The following RC3H1 variants were observed in gnomAD, a reference collection of about 807,000 sequenced individuals.
RC3H1 encodes the protein roquin-1.
Under a neutral mutation model 138.2 loss-of-function variants are expected in RC3H1, and 50 were observed. The observed-to-expected ratio is 0.36, with a 90% confidence interval of 0.29 to 0.46. The LOEUF is 0.46. Ranked by LOEUF, RC3H1 falls within the 20% of genes least tolerant of loss-of-function variation. The pLI, the probability that RC3H1 is intolerant of heterozygous loss-of-function variation, is 1.00. For missense variants in RC3H1, 1,031 were observed against 1,388.1 expected, an observed-to-expected ratio of 0.74 and a Z score of 4.09; for synonymous variants, 462 against 489.1, an observed-to-expected ratio of 0.94 and a Z score of 0.73.
intron 6 of RC3H1, among the ~76,000 whole-genome samples, chr1:173,979,611 G>A (rs1278074396): frequency 6.6e-6 from 1 of 152,154 alleles, no homozygotes; most frequent in East Asian, 1.9e-4. Flanking sequence ...AGCCGAGATA[G>A]TGCCATTGCA....
At chr1:173,943,391 C>T in intron 18 of RC3H1, 51 bp downstream of exon 18, 1 of 1,542,202 alleles carries the variant, frequency 6.5e-7, no homozygotes, top group Non-Finnish European at 8.8e-7. Flanking sequence ...TCTAGAGCCA[C>T]ATGAAAGATT....
intron 1 of RC3H1, among the ~76,000 whole-genome samples, chr1:174,008,578 A>G (rs1661694190): frequency 6.6e-6 from 1 of 152,232 alleles, no homozygotes; most frequent in Admixed American, 6.5e-5. Flanking sequence ...AAATTGCTAC[A>G]TGAACTCCAA....
intron 13 of RC3H1, among the ~76,000 whole-genome samples, chr1:173,959,190 G>A (rs1659766510): frequency 1.3e-5 from 2 of 151,978 alleles, no homozygotes; most frequent in Admixed American, 1.3e-4. Context: ...ATAATTGTGT[G>A]CACAGAAAAT....
Position 173,943,508 on chromosome 1 carries a change from C to A in RC3H1, c.3069G>T (p.Glu1023Asp), listed in dbSNP as rs749289052. 13 of 1,614,148 alleles carry A rather than the reference C, an allele frequency of 8.1e-6. No homozygotes were observed. The highest frequency in any genetic ancestry group is 1.0e-5 in the Non-Finnish European group (12 of 1,179,996). The change falls in exon 18 of 20, where the codon GAG becomes GAT. Residue 1023 changes from glutamate (E) to aspartate (D), a missense_variant. By Grantham distance (45) the Glu-to-Asp change is conservative. This residue lies in a region of RC3H1 where 716 missense variants were observed against 837.9 expected (regional missense o/e 0.85). Transcript: ENST00000367696. The stretch of plus-strand genomic sequence containing the variant: ...CCTGGTGCAGTTCCAAGCTCAACTG[C>A]TCACTTGAGATCATCCCAGGCCATT... ...PPKWPGMISS[E>D]QLSLELHQVE...
chr1:173,997,234 A>G (rs1661476893), intron 1 of RC3H1, among the ~76,000 whole-genome samples: 1 of 152,164 alleles, frequency 6.6e-6, no homozygotes, highest in South Asian at 2.1e-4. Context: ...AAACAAAACA[A>G]GACAAAAAAA....
intron 3 of RC3H1, 46 bp downstream of exon 3, chr1:173,984,452 TA>T: frequency 6.3e-7 from 1 of 1,588,904 alleles, no homozygotes; most frequent in Non-Finnish European, 8.6e-7. Context: ...ACTGAGTATT[TA>T]AAAAAGCAGT....
chr1:173,987,444 T>C (rs926598726), intron 2 of RC3H1, among the ~76,000 whole-genome samples: 1 of 152,238 alleles, frequency 6.6e-6, no homozygotes, highest in South Asian at 2.1e-4. Context: ...AGTTGGCTCC[T>C]GTGTGCCTTT....
chr1:173,959,235 A>G (rs1450927191), intron 13 of RC3H1, among the ~76,000 whole-genome samples: 1 of 152,178 alleles, frequency 6.6e-6, no homozygotes, highest in Non-Finnish European at 1.5e-5. Flanking sequence ...ATGATTAATA[A>G]AGAAATTTAG....
chr1:173,979,260 G>A (rs1482434815), intron 6 of RC3H1, among the ~76,000 whole-genome samples: 1 of 152,156 alleles, frequency 6.6e-6, no homozygotes, highest in African/African-American at 2.4e-5. Context: ...TTAAAGCACT[G>A]CGTGTGATAT....
intron 18 of RC3H1, among the ~76,000 whole-genome samples, chr1:173,942,892 C>G (rs1042875748): frequency 6.6e-6 from 1 of 151,832 alleles, no homozygotes; most frequent in Non-Finnish European, 1.5e-5. Flanking sequence ...CCTGAGGAAG[C>G]CCCTAAGATT....
intron 2 of RC3H1, among the ~76,000 whole-genome samples, chr1:173,988,887 T>G (rs1661145108): frequency 6.6e-6 from 1 of 152,240 alleles, no homozygotes; most frequent in East Asian, 1.9e-4. Context: ...TTTTAAAAAC[T>G]GGGTTGTCTT....
chr1:173,954,245 A>G (rs1429921209), intron 13 of RC3H1, among the ~76,000 whole-genome samples: 1 of 152,238 alleles, frequency 6.6e-6, no homozygotes, highest in Admixed American at 6.5e-5. Context: ...CTATTCAGAC[A>G]TAAAAAAATA....
chr1:173,959,974 G>A (rs1049965024), intron 13 of RC3H1, among the ~76,000 whole-genome samples: 1 of 151,634 alleles, frequency 6.6e-6, no homozygotes, highest in African/African-American at 2.4e-5. Context: ...CGGGCGTGGT[G>A]GTGCGTGCCT....
At position 173,960,107 on chromosome 1, in the gene RC3H1, C is replaced by CAAAAAA. The variant is rs58330993; in HGVS notation, c.2370+964_2370+969dup. ...TGGGCAACAGAATGAGACTCCGACT[C>CAAAAAA]AAAAAAAAAAAAAAAAAAAAAAAGA... is the stretch of plus-strand genomic sequence containing the variant. On this transcript the variant is annotated intron_variant, in intron 13 of 19. Transcript: ENST00000367696. 3.2e-3 allele frequency among the ~76,000 whole-genome samples: 162 copies of CAAAAAA among 51,086 alleles called. 2 individuals carry two copies. The highest frequency in any genetic ancestry group is 9.2e-3 in the African/African-American group (132 of 14,312). 33.5% of individuals were successfully genotyped at this position (51,086 alleles called of 152,430 possible).
intron 8 of RC3H1, among the ~76,000 whole-genome samples, chr1:173,971,914 C>T (rs1184814068): frequency 1.3e-5 from 2 of 151,964 alleles, no homozygotes; most frequent in African/African-American, 2.4e-5. Flanking sequence ...TCTAATGAAC[C>T]TAATATAAAT....
chr1:174,015,854 C>T (rs1661853143), intron 1 of RC3H1: 1 of 152,100 alleles, frequency 6.6e-6, no homozygotes, highest in East Asian at 1.9e-4. Context: ...TAAACATCAC[C>T]TCATTTAAAG....
At chr1:173,969,944 G>T (rs1660279761) in intron 9 of RC3H1, among the ~76,000 whole-genome samples, 1 of 151,892 alleles carries the variant, frequency 6.6e-6, no homozygotes, top group Admixed American at 6.6e-5. Flanking sequence ...TAGTGAAAAT[G>T]ACCCACTTTT....
intron 7 of RC3H1, among the ~76,000 whole-genome samples, chr1:173,977,694 T>A (rs759133391): frequency 6.6e-6 from 1 of 152,168 alleles, no homozygotes; most frequent in African/African-American, 2.4e-5. Flanking sequence ...CATCAGAGCA[T>A]GTAGAGAAAA....
At chr1:173,995,009 C>G (rs1661430389) in intron 1 of RC3H1, among the ~76,000 whole-genome samples, 1 of 151,872 alleles carries the variant, frequency 6.6e-6, no homozygotes, top group African/African-American at 2.4e-5. Context: ...TATATAATTG[C>G]AAGTTATGGT....
Sources: allele counts gnomAD v4.1 joint callset (sites outside exome capture counted in the v4.1 genomes callset), GRCh38; gene constraint gnomAD v4.1.1; regional missense constraint gnomAD v4.1.1; transcripts MANE v1.5; gene names NCBI Gene and HGNC (gene_info 2026-07-23, HGNC 2026-07-21).